Variants in MID2 observed in about 807,000 individuals in gnomAD.
The protein encoded by MID2 is midline 2.
A neutral mutation model predicts 46.1 loss-of-function variants in MID2; 13 were observed. That is an observed-to-expected ratio of 0.28 (90% CI 0.18 to 0.45). The LOEUF (loss-of-function observed/expected upper bound fraction) is 0.45. Ranked by LOEUF, MID2 falls within the 20% of genes least tolerant of loss-of-function variation. The pLI is 1.00. For synonymous variants in MID2, 199 were observed against 212.3 expected (o/e 0.94, Z 0.55); for missense variants, 431 against 575.4 (o/e 0.75, Z 2.57).
intron 1 of MID2, among the ~76,000 whole-genome samples, chrX:107,831,269 C>T (rs1378333369): frequency 2.7e-5 from 3 of 111,664 alleles, no homozygotes; most frequent in Non-Finnish European, 5.6e-5. Flanking sequence ...GCTTCCTTCC[C>T]GTAGGTCAGA....
chrX:107,882,987 G>A (rs1005671949), intron 3 of MID2, among the ~76,000 whole-genome samples: 2 of 111,878 alleles, frequency 1.8e-5, no homozygotes, highest in Admixed American at 9.5e-5. Context: ...TAAAGAAAAC[G>A]TGGCACATAT....
Position 107,826,419 on chromosome X carries a change from G to T in MID2, c.-8G>T. 1 of 1,138,969 alleles carries T rather than the reference G, an allele frequency of 8.8e-7. No homozygotes were observed. The allele number at this position is 1,138,969 out of a possible 1,213,427, so 93.9% of individuals were successfully genotyped here. On this transcript the variant is annotated 5_prime_UTR_variant, in exon 1 of 10. Coordinates refer to ENST00000262843, the MANE Select transcript of MID2 (RefSeq NM_012216.4). ...GAGCGGAGGAGATGGCTGGCACCTG[G>T]GAACGCTATGGGTAAAACGCGCCCC...
At chrX:107,832,167 C>T (rs2147820787) in intron 1 of MID2, among the ~76,000 whole-genome samples, 1 of 112,265 alleles carries the variant, frequency 8.9e-6, no homozygotes, top group Admixed American at 9.4e-5. Flanking sequence ...TAGACAGGAG[C>T]TGGCACTGGT....
intron 3 of MID2, among the ~76,000 whole-genome samples, chrX:107,858,794 G>A (rs1602469207): frequency 8.9e-6 from 1 of 112,221 alleles, no homozygotes; most frequent in South Asian, 3.7e-4. Context: ...TGTATATTTT[G>A]TGTGCCACCT....
chrX:107,833,628 A>G (rs1413662529), intron 1 of MID2, among the ~76,000 whole-genome samples: 1 of 110,400 alleles, frequency 9.1e-6, no homozygotes, highest in South Asian at 3.8e-4. Flanking sequence ...TGGGCATTTA[A>G]TTATGCTCAA....
chrX:107,921,577 G>T (rs1479763731), intron 7 of MID2, among the ~76,000 whole-genome samples: 19 of 111,468 alleles, frequency 1.7e-4, no homozygotes, highest in Admixed American at 1.6e-3. Flanking sequence ...ATTGCAAAAT[G>T]ATGATTTTTC....
rs144108832 is a variant in MID2, at chrX:107,840,840, G to A, written c.175G>A (p.Val59Ile). 1.7e-6 allele frequency: 2 copies of A among 1,209,658 alleles called. No individual in the cohort carries two copies. Among genetic ancestry groups the A allele is most frequent in the Admixed American group, 2.2e-5 (1 of 45,696 alleles). ...LCFSCAHRIL[V>I]SSCSSGESIE... ...CTTCAGCTGTGCCCATCGCATTTTG[G>A]TATCAAGCTGCAGCTCTGGTGAATC... Residue 59 changes from valine to isoleucine, a missense_variant, in exon 2 of 10, where the codon GTA (valine) becomes ATA (isoleucine). Transcript: ENST00000262843.
intron 2 of MID2, among the ~76,000 whole-genome samples, chrX:107,842,649 A>G (rs142238509): frequency 1.5e-3 from 167 of 112,237 alleles, no homozygotes; most frequent in Middle Eastern, 0.014. Flanking sequence ...CACAATGACT[A>G]TGGTTTGTGC....
chrX:107,857,312 G>A (rs1194392026), intron 3 of MID2, among the ~76,000 whole-genome samples: 9 of 98,796 alleles, frequency 9.1e-5, no homozygotes, highest in Non-Finnish European at 1.6e-4. Context: ...ATGGAATCTC[G>A]CTCTGTTGCC....
intron 3 of MID2, among the ~76,000 whole-genome samples, chrX:107,888,585 A>G (rs1932519951): frequency 8.9e-6 from 1 of 112,074 alleles, no homozygotes; most frequent in Non-Finnish European, 1.9e-5. Context: ...AAAAGAATGT[A>G]TATTCTGTTG....
chrX:107,897,483 A>AT (rs1001318075), intron 3 of MID2, among the ~76,000 whole-genome samples: 2 of 112,090 alleles, frequency 1.8e-5, no homozygotes, highest in East Asian at 5.6e-4. Context: ...GGTATAACCA[A>AT]TTTTTTTTAA....
intron 8 of MID2, 122 bp from the exon 9 acceptor site, chrX:107,925,972 A>G (rs1933166164): frequency 2.1e-6 from 1 of 466,438 alleles, no homozygotes. Flanking sequence ...GCCAACTTGC[A>G]CTGGACCAAG....
At chrX:107,896,828 A>G (rs866105742) in intron 3 of MID2, among the ~76,000 whole-genome samples, 2 of 111,202 alleles carry the variant, frequency 1.8e-5, no homozygotes, top group East Asian at 2.8e-4. Context: ...ACACACACAC[A>G]CACGCACGCA....
intron 2 of MID2, among the ~76,000 whole-genome samples, chrX:107,844,273 T>A (rs1931412375): frequency 8.9e-6 from 1 of 111,769 alleles, no homozygotes; most frequent in African/African-American, 3.2e-5. Flanking sequence ...TTCATGATCT[T>A]ATTTAGTTGT....
intron 2 of MID2, among the ~76,000 whole-genome samples, chrX:107,847,613 T>G (rs926390925): frequency 4.5e-5 from 5 of 111,950 alleles, no homozygotes; most frequent in Non-Finnish European, 9.4e-5. Flanking sequence ...GGCAGTTTTT[T>G]GGGGATGCTT....
In MID2 at chrX:107,927,889, T is replaced by G. The variant is rs1933212851; in HGVS notation, c.*816T>G. Among the ~76,000 whole-genome samples, 1 of 111,354 alleles carries G rather than the reference T, an allele frequency of 9.0e-6. No homozygotes were observed. The highest frequency in any genetic ancestry group is 1.9e-5 in the Non-Finnish European group (1 of 53,050). On this transcript the variant is annotated 3_prime_UTR_variant, in exon 10 of 10. Coordinates refer to ENST00000262843, the MANE Select transcript of MID2 (RefSeq NM_012216.4). The stretch of plus-strand genomic sequence containing the variant: ...TCACGCACACATACACATGCAACCA[T>G]GACACAGATAATGGGAAGAGCTTTA...
At chrX:107,852,358 A>C (rs958045104) in intron 2 of MID2, among the ~76,000 whole-genome samples, 1 of 112,162 alleles carries the variant, frequency 8.9e-6, no homozygotes, top group African/African-American at 3.2e-5. Context: ...GGTGTTCAAT[A>C]CATTTTTGTA....
At chrX:107,828,312 T>TTC (rs1294805976) in intron 1 of MID2, among the ~76,000 whole-genome samples, 1,792 of 94,676 alleles carry the variant, frequency 0.019, 27 homozygotes, top group South Asian at 0.05. Context: ...TTTCTTTTCT[T>TTC]TTTTTTTTTT....
At chrX:107,895,748 C>G (rs1221662947) in intron 3 of MID2, 1 of 111,739 alleles carries the variant, frequency 8.9e-6, no homozygotes, top group Admixed American at 9.5e-5. Flanking sequence ...AAGTGCCATG[C>G]TTTACAAAAC....
Sources: gnomAD v4.1 joint callset for allele counts (sites outside exome capture counted in the v4.1 genomes callset) on GRCh38, gnomAD v4.1.1 for gene constraint, MANE v1.5 for transcripts, NCBI Gene and HGNC (gene_info 2026-07-23, HGNC 2026-07-21) for gene names.